OR51B5: variants seen among roughly 807,000 people sequenced by gnomAD.
OR51B5 encodes the protein olfactory receptor family 51 subfamily B member 5.
For missense variants in OR51B5, 456 were observed against 374.6 expected (o/e 1.22, Z -1.79); for synonymous variants, 186 against 144.8 (o/e 1.28, Z -2.04).
intron 1 of OR51B5, among the ~76,000 whole-genome samples, chr11:5,466,619 T>C (rs1157954388): frequency 6.6e-6 from 1 of 152,262 alleles, no homozygotes; most frequent in Non-Finnish European, 1.5e-5. Context: ...TGCTCATAAC[T>C]GTGTATAGAA....
intron 1 of OR51B5, among the ~76,000 whole-genome samples, chr11:5,409,712 C>T (rs978104150): frequency 1.3e-5 from 2 of 152,008 alleles, no homozygotes; most frequent in African/African-American, 4.8e-5. Flanking sequence ...GAAACTTAAA[C>T]AATAGAGGAA....
chr11:5,344,400 A>ATTTCTCTCTCG (rs1848957652), upstream of OR51B5, among the ~76,000 whole-genome samples: 1 of 151,902 alleles, frequency 6.6e-6, no homozygotes, highest in Non-Finnish European at 1.5e-5. Context: ...GACCTCTCTC[A>ATTTCTCTCTCG]TTTCAAGTTC....
chr11:5,407,759 G>C (rs1383292859), intron 1 of OR51B5, among the ~76,000 whole-genome samples: 1 of 149,934 alleles, frequency 6.7e-6, no homozygotes, highest in Non-Finnish European at 1.5e-5. Flanking sequence ...TTTAATATCT[G>C]TACTTTATAA....
chr11:5,457,220 GA>G (rs1409106320), intron 1 of OR51B5, among the ~76,000 whole-genome samples: 1 of 152,124 alleles, frequency 6.6e-6, no homozygotes, highest in African/African-American at 2.4e-5. Flanking sequence ...CCTTATATGT[GA>G]AAAGAGGTGG....
At chr11:5,393,425 A>G (rs567852368) in intron 1 of OR51B5, among the ~76,000 whole-genome samples, 3 of 152,300 alleles carry the variant, frequency 2.0e-5, no homozygotes, top group Admixed American at 2.0e-4. Context: ...ACTATGTAAA[A>G]GGCTATAAAT....
intron 1 of OR51B5, chr11:5,355,075 T>G (rs1849167819): frequency 5.8e-6 from 1 of 173,298 alleles, no homozygotes; most frequent in African/African-American, 2.4e-5. Context: ...ATTTCCTGAC[T>G]TGAAGAATCA....
intron 1 of OR51B5, among the ~76,000 whole-genome samples, chr11:5,367,151 C>A (rs1432405102): frequency 2.0e-5 from 3 of 151,580 alleles, no homozygotes; most frequent in Admixed American, 6.6e-5. Context: ...CTTAGTGACA[C>A]AGAGTTTTAG....
At chr11:5,423,272 G>A (rs947125562) in intron 1 of OR51B5, 81 of 1,339,078 alleles carry the variant, frequency 6.0e-5, no homozygotes, top group Non-Finnish European at 7.8e-5. Context: ...AGTATGACAA[G>A]TCCCTGGCTT....
chr11:5,447,142 G>T (rs2201873), intron 1 of OR51B5, among the ~76,000 whole-genome samples: 1 of 152,036 alleles, frequency 6.6e-6, no homozygotes, highest in Non-Finnish European at 1.5e-5. Flanking sequence ...ATAAGAATGA[G>T]GCTAACAAAA....
chr11:5,357,877 G>C, intron 1 of OR51B5, among the ~76,000 whole-genome samples: 1 of 151,900 alleles, frequency 6.6e-6, no homozygotes, highest in Admixed American at 6.6e-5. Flanking sequence ...CGAACAAATT[G>C]CTCCTGAATG....
chr11:5,389,284 G>C, intron 1 of OR51B5: 2 of 1,006,594 alleles, frequency 2.0e-6, no homozygotes, highest in East Asian at 2.4e-5. Flanking sequence ...GGGTGGAGTA[G>C]ATAATACTAA....
intron 1 of OR51B5, among the ~76,000 whole-genome samples, chr11:5,367,887 T>G (rs150198269): frequency 1.1e-3 from 162 of 152,332 alleles, no homozygotes; most frequent in African/African-American, 3.4e-3. Flanking sequence ...CTATATCTAT[T>G]TTTATGTCCT....
At chr11:5,365,703 C>G (rs997084081) in intron 1 of OR51B5, among the ~76,000 whole-genome samples, 4 of 152,128 alleles carry the variant, frequency 2.6e-5, no homozygotes, top group African/African-American at 9.7e-5. Context: ...TCAACCCAAA[C>G]TGATACATTT....
At chr11:5,405,495 C>T (rs1850044887) in intron 1 of OR51B5, among the ~76,000 whole-genome samples, 1 of 151,438 alleles carries the variant, frequency 6.6e-6, no homozygotes, top group South Asian at 2.1e-4. Flanking sequence ...ACAAAAGATA[C>T]AAGGTTTCTT....
At chr11:5,394,106 C>T (rs1409442796) in intron 1 of OR51B5, among the ~76,000 whole-genome samples, 1 of 151,920 alleles carries the variant, frequency 6.6e-6, no homozygotes, top group Non-Finnish European at 1.5e-5. Flanking sequence ...GTTATAGATT[C>T]ACAGAAAAAC....
chr11:5,474,438 CCTG>C (rs1851273904), intron 1 of OR51B5, among the ~76,000 whole-genome samples: 1 of 152,084 alleles, frequency 6.6e-6, no homozygotes, highest in South Asian at 2.1e-4. Flanking sequence ...ACCCTACTAG[CCTG>C]CTAAGTACCA....
intron 1 of OR51B5, chr11:5,362,690 T>TTGGCCATC (rs1389813342): frequency 4.6e-6 from 1 of 217,556 alleles, no homozygotes; most frequent in Non-Finnish European, 9.9e-6. Context: ...TGTAGAGCTT[T>TTGGCCATC]TGGCCATCGA....
intron 1 of OR51B5, among the ~76,000 whole-genome samples, chr11:5,458,323 C>G (rs1414011760): frequency 6.6e-6 from 1 of 151,988 alleles, no homozygotes; most frequent in East Asian, 1.9e-4. Context: ...TTCCATTTGT[C>G]TATTTGTACC....
chr11:5,497,897 C>T (rs1304098875), intron 1 of OR51B5, among the ~76,000 whole-genome samples: 1 of 152,178 alleles, frequency 6.6e-6, no homozygotes, highest in Non-Finnish European at 1.5e-5. Context: ...ACATCACATT[C>T]ATAGTATCCT....
Sources: allele counts gnomAD v4.1 joint callset (sites outside exome capture counted in the v4.1 genomes callset), GRCh38; gene constraint gnomAD v4.1.1; transcripts MANE v1.5; gene names NCBI Gene and HGNC (gene_info 2026-07-23, HGNC 2026-07-21).